The following CNTN5 variants were observed in gnomAD, a reference collection of about 807,000 sequenced individuals.
The protein encoded by CNTN5 is contactin-5.
In CNTN5, 77 loss-of-function variants were observed where a neutral mutation model predicts 129.1. The ratio of observed to expected loss-of-function variants is 0.60; its 90% confidence interval spans 0.50 to 0.72. The LOEUF (loss-of-function observed/expected upper bound fraction) is 0.72, where lower values mean the gene tolerates loss of function less well. Ranked by LOEUF, CNTN5 falls within the 30% of genes least tolerant of loss-of-function variation. The pLI is 0.00. For missense variants in CNTN5, 1,478 were observed against 1,328.8 expected (o/e 1.11, Z -1.75); for synonymous variants, 509 against 465.6 (o/e 1.09, Z -1.20).
At chr11:99,586,806 C>A (rs574304272) in intron 3 of CNTN5, among the ~76,000 whole-genome samples, 1 of 152,104 alleles carries the variant, frequency 6.6e-6, no homozygotes, top group Admixed American at 6.5e-5. Context: ...AAGGGCCACT[C>A]ATCTAATAAA....
chr11:99,924,095 T>TATAA (rs1950005132), intron 7 of CNTN5, among the ~76,000 whole-genome samples: 1 of 152,174 alleles, frequency 6.6e-6, no homozygotes, highest in Admixed American at 6.5e-5. Flanking sequence ...CGGCATCTAT[T>TATAA]ATTTTTGTTT....
chr11:99,994,269 T>A (rs1939307844), intron 8 of CNTN5, among the ~76,000 whole-genome samples: 1 of 152,022 alleles, frequency 6.6e-6, no homozygotes, highest in African/African-American at 2.4e-5. Context: ...CATTAACTCT[T>A]TGGTATTATT....
chr11:99,799,283 T>C (rs1246474371), intron 3 of CNTN5, among the ~76,000 whole-genome samples: 3 of 151,642 alleles, frequency 2.0e-5, no homozygotes, highest in Admixed American at 6.6e-5. Context: ...TCCAGTATTA[T>C]GTTAAATAGG....
At chr11:99,922,386 A>G (rs956643808) in intron 7 of CNTN5, among the ~76,000 whole-genome samples, 4 of 152,218 alleles carry the variant, frequency 2.6e-5, no homozygotes, top group Non-Finnish European at 5.9e-5. Flanking sequence ...ACCAAATTAC[A>G]GAGGAAGTGA....
intron 6 of CNTN5, among the ~76,000 whole-genome samples, chr11:99,907,810 A>G (rs2135976550): frequency 6.6e-6 from 1 of 152,110 alleles, no homozygotes; most frequent in Middle Eastern, 3.4e-3. Flanking sequence ...GTTGTAAATA[A>G]GTGGGATGAA....
At chr11:99,496,965 T>C (rs979178769) in intron 2 of CNTN5, among the ~76,000 whole-genome samples, 1 of 152,196 alleles carries the variant, frequency 6.6e-6, no homozygotes, top group Admixed American at 6.6e-5. Flanking sequence ...AGAATTCAAG[T>C]ATACACTTCC....
At chr11:100,134,756 C>A (rs73000808) in intron 13 of CNTN5, among the ~76,000 whole-genome samples, 1 of 152,102 alleles carries the variant, frequency 6.6e-6, no homozygotes, top group Admixed American at 6.6e-5. Flanking sequence ...TTTCAAGATG[C>A]GGCAGAAATA....
chr11:99,548,355 C>T lies in CNTN5; in HGVS notation c.-70-7790C>T, dbSNP rs143194980. On this transcript the variant is annotated intron_variant, in intron 2 of 24. Transcript: ENST00000524871. Reference sequence around the variant, plus strand: ...TCAAAATTGAAAGAGGTTCAGAGAGCTCTTCTCTATCAGTCTGAGCAGTGA... The same window carrying T: ...TCAAAATTGAAAGAGGTTCAGAGAGTTCTTCTCTATCAGTCTGAGCAGTGA... 5.1e-3 allele frequency among the ~76,000 whole-genome samples: 780 copies of T among 152,296 alleles called. 3 individuals carry two copies. The highest frequency in any genetic ancestry group is 7.2e-3 in the Non-Finnish European group (490 of 68,016).
intron 3 of CNTN5, among the ~76,000 whole-genome samples, chr11:99,791,925 G>A (rs1945757652): frequency 6.6e-6 from 1 of 152,032 alleles, no homozygotes; most frequent in Non-Finnish European, 1.5e-5. Flanking sequence ...TTGATGTATA[G>A]GAATGTTACT....
intron 21 of CNTN5, among the ~76,000 whole-genome samples, chr11:100,323,641 C>G (rs1308784385): frequency 7.8e-6 from 1 of 128,856 alleles, no homozygotes. Context: ...CCTCCTCCCC[C>G]CCCCTTCTTT....
intron 3 of CNTN5, among the ~76,000 whole-genome samples, chr11:99,710,569 G>A (rs993072242): frequency 2.3e-4 from 11 of 47,902 alleles, no homozygotes; most frequent in African/African-American, 8.4e-4. Flanking sequence ...GTGTGTGCAT[G>A]TGTGTGTGTG....
chr11:99,240,533 A>G (rs746030436), intron 1 of CNTN5, among the ~76,000 whole-genome samples: 2 of 152,134 alleles, frequency 1.3e-5, no homozygotes, highest in Non-Finnish European at 2.9e-5. Flanking sequence ...GGGAACTGAA[A>G]CAAGTCTTTT....
intron 1 of CNTN5, among the ~76,000 whole-genome samples, chr11:99,189,628 T>A (rs1858529157): frequency 6.6e-6 from 1 of 151,680 alleles, no homozygotes; most frequent in Admixed American, 6.6e-5. Flanking sequence ...TCACTGATGA[T>A]TAGTTACATT....
At chr11:99,934,955 CAT>C (rs1301872485) in intron 7 of CNTN5, among the ~76,000 whole-genome samples, 72 of 116,576 alleles carry the variant, frequency 6.2e-4, no homozygotes, top group Non-Finnish European at 9.0e-4. Flanking sequence ...TATACACACA[CAT>C]ATATATGGTG....
chr11:100,157,860 T>G (rs1172601112), intron 13 of CNTN5, among the ~76,000 whole-genome samples: 4 of 149,118 alleles, frequency 2.7e-5, no homozygotes, highest in Admixed American at 2.0e-4. Context: ...AAAAAAAGCA[T>G]GTGAAAAAAG....
chr11:100,075,063 G>C (rs1030583563), intron 13 of CNTN5, among the ~76,000 whole-genome samples: 1 of 152,072 alleles, frequency 6.6e-6, no homozygotes, highest in South Asian at 2.1e-4. Flanking sequence ...AATTGATCTA[G>C]AAGTATAAGG....
chr11:99,476,118 T>A (rs1215965865), intron 2 of CNTN5, among the ~76,000 whole-genome samples: 1 of 152,060 alleles, frequency 6.6e-6, no homozygotes, highest in African/African-American at 2.4e-5. Flanking sequence ...GAATTTGTTG[T>A]CATTCATGTC....
intron 8 of CNTN5, among the ~76,000 whole-genome samples, chr11:99,967,515 G>A (rs986296651): frequency 3.3e-5 from 5 of 152,114 alleles, no homozygotes; most frequent in Admixed American, 3.3e-4. Flanking sequence ...GGATTTGCCT[G>A]TCCTTGTTCA....
At chr11:99,423,547 AG>A (rs1294342692) in intron 2 of CNTN5, among the ~76,000 whole-genome samples, 2 of 152,232 alleles carry the variant, frequency 1.3e-5, no homozygotes, top group Non-Finnish European at 2.9e-5. Context: ...ATGGGAACGG[AG>A]GAAAATCTAT....
Sources: allele counts gnomAD v4.1 joint callset (sites outside exome capture counted in the v4.1 genomes callset), GRCh38; gene constraint gnomAD v4.1.1; transcripts MANE v1.5; gene names NCBI Gene and HGNC (gene_info 2026-07-23, HGNC 2026-07-21).